The following CCDC85C variants were observed in gnomAD, a reference collection of about 807,000 sequenced individuals.
The protein encoded by CCDC85C is coiled-coil domain-containing protein 85C.
Under a neutral mutation model 38.3 loss-of-function variants are expected in CCDC85C, and 18 were observed. That is an observed-to-expected ratio of 0.47 (90% confidence interval 0.33 to 0.70). The LOEUF (loss-of-function observed/expected upper bound fraction) is 0.70, where lower values mean the gene tolerates loss of function less well. CCDC85C is among the 30% of genes least tolerant of loss of function. The pLI is 0.03. For synonymous variants in CCDC85C, 264 were observed against 293.8 expected, an observed-to-expected ratio of 0.90 and a Z score of 1.04; for missense variants, 566 against 621.2, an observed-to-expected ratio of 0.91 and a Z score of 0.94.
chr14:99,517,037 C>A, intron 4 of CCDC85C, 51 bp downstream of exon 4: 1 of 1,496,434 alleles, frequency 6.7e-7, no homozygotes, highest in Non-Finnish European at 9.1e-7. Context: ...CACAGTCTCA[C>A]AGTGCACCCA....
At position 99,510,225 on chromosome 14, in the gene CCDC85C, C is replaced by G; in HGVS notation, c.*5021G>C. On this transcript the variant is annotated 3_prime_UTR_variant, in exon 6 of 6. Coordinates refer to ENST00000380243, the MANE Select transcript of CCDC85C (RefSeq NM_001144995.2). ...GCCGGGCCCTGTGGATGCCACTGACCTCCCCAAAGTCCAGATTCCCCCTCC... is the reference window on the plus strand; with the variant it reads ...GCCGGGCCCTGTGGATGCCACTGACGTCCCCAAAGTCCAGATTCCCCCTCC... 6.3e-7 allele frequency: 1 copy of G among 1,596,836 alleles called. No individual in the cohort carries two copies. The highest frequency in any genetic ancestry group is 8.5e-7 in the Non-Finnish European group (1 of 1,174,964).
At chr14:99,584,709 A>C (rs930039256) in intron 1 of CCDC85C, among the ~76,000 whole-genome samples, 4 of 152,256 alleles carry the variant, frequency 2.6e-5, no homozygotes, top group African/African-American at 9.6e-5. Flanking sequence ...CTTTGCAGCC[A>C]GAATAAGTTT....
intron 3 of CCDC85C, among the ~76,000 whole-genome samples, chr14:99,519,279 CTTTT>C (rs60431041): frequency 8.1e-6 from 1 of 122,854 alleles, no homozygotes. Context: ...CCATGCCCAG[CTTTT>C]TTTTTTTTTT....
In CCDC85C at chr14:99,515,121, C is replaced by G; in HGVS notation, c.*125G>C. 1.4e-6 allele frequency: 1 copy of G among 699,596 alleles called. No individual in the cohort carries two copies. Among genetic ancestry groups the G allele is most frequent in the South Asian group, 1.8e-5 (1 of 54,654 alleles). The allele number at this position is 699,596 out of a possible 1,614,324, so 43.3% of individuals were successfully genotyped here. Reference sequence around the variant, plus strand: ...CAGCTGGGCCAGGGCGGGCAGCGTCCTATGTACAGTTCACCACAGAGGAAG... The same window carrying G: ...CAGCTGGGCCAGGGCGGGCAGCGTCGTATGTACAGTTCACCACAGAGGAAG... On this transcript the variant is annotated 3_prime_UTR_variant, in exon 6 of 6. Transcript: ENST00000380243.
chr14:99,566,508 G>A (rs1443494007), intron 1 of CCDC85C, among the ~76,000 whole-genome samples: 1 of 152,268 alleles, frequency 6.6e-6, no homozygotes, highest in South Asian at 2.1e-4. Flanking sequence ...GAGAGGTGGG[G>A]CTTCAGGTTC....
intron 2 of CCDC85C, among the ~76,000 whole-genome samples, chr14:99,526,171 GT>G (rs1471836054): frequency 1.3e-5 from 2 of 152,228 alleles, no homozygotes; most frequent in Non-Finnish European, 2.9e-5. Flanking sequence ...CTTCTGGCCT[GT>G]GGGGGCTCCA....
In CCDC85C at chr14:99,509,963, G is replaced by A; in HGVS notation, c.*5283C>T. The A allele has an allele frequency of 1.6e-6, 1 of 617,720 alleles. No homozygotes were observed. Among genetic ancestry groups the A allele is most frequent in the Non-Finnish European group, 2.8e-6 (1 of 353,796 alleles). 38.3% of individuals were successfully genotyped at this position (617,720 alleles called of 1,614,324 possible). On this transcript the variant is annotated 3_prime_UTR_variant, in exon 6 of 6. Transcript: ENST00000380243. ...CCCAGGTCGTCGCAGACAGGGTGGA[G>A]GGCCTTCTTGACAGATGGTGGGGAG...
rs1238368658 is a variant in CCDC85C at position 99,503,622 on chromosome 14, C to A, written c.*11624G>T. The A allele has an allele frequency of 1.9e-6, 3 of 1,560,344 alleles. No homozygotes were observed. The highest frequency in any genetic ancestry group is 4.7e-5 in the East Asian group (2 of 42,834). ...TTCTTTTGTAACAGGTTGTTTCTCC[C>A]AAAGAAGAGAACAAAGCAGCAGGTA... On this transcript the variant is annotated 3_prime_UTR_variant, in exon 6 of 6. Coordinates refer to ENST00000380243, the MANE Select transcript of CCDC85C (RefSeq NM_001144995.2).
At position 99,506,501 on chromosome 14, in the gene CCDC85C, C is replaced by T. The variant is rs1391951185; in HGVS notation, c.*8745G>A. ...ACCTCAAGGGGTCCTGACTGCTGGG[C>T]TTTTGTGAGCGGCACATTCTTCCTG... is the stretch of plus-strand genomic sequence containing the variant. On this transcript the variant is annotated 3_prime_UTR_variant, in exon 6 of 6. Coordinates refer to ENST00000380243, the MANE Select transcript of CCDC85C (RefSeq NM_001144995.2). 2 of 153,588 alleles carry T rather than the reference C, an allele frequency of 1.3e-5. No homozygotes were observed. The highest frequency in any genetic ancestry group is 2.9e-5 in the Non-Finnish European group (2 of 69,050). 9.5% of individuals were successfully genotyped at this position (153,588 alleles called of 1,614,324 possible).
Position 99,509,825 on chromosome 14 carries a change from GC to G in CCDC85C, c.*5420del. 2.6e-6 allele frequency: 1 copy of G among 381,598 alleles called. No homozygotes were observed. The highest frequency in any genetic ancestry group is 4.9e-5 in the South Asian group (1 of 20,560). The allele number at this position is 381,598 out of a possible 1,614,324, so 23.6% of individuals were successfully genotyped here. A position where few individuals can be genotyped will look rare whatever the true frequency, so the allele number is the denominator to read the frequency against. On this transcript the variant is annotated 3_prime_UTR_variant, in exon 6 of 6. Coordinates refer to ENST00000380243, the MANE Select transcript of CCDC85C (RefSeq NM_001144995.2). ...TTTCTGAAGGCAGAAAAACAGAGGA[GC>G]CCCCACACGTTTTGCACTAGGAAGA...
intron 1 of CCDC85C, among the ~76,000 whole-genome samples, chr14:99,555,755 T>C (rs745922351): frequency 6.6e-6 from 1 of 152,222 alleles, no homozygotes; most frequent in African/African-American, 2.4e-5. Flanking sequence ...GTCTGCCTGC[T>C]GGAGACCAAG....
Position 99,510,226 on chromosome 14 carries a change from T to C in CCDC85C, c.*5020A>G. 1 of 1,595,060 alleles carries C rather than the reference T, an allele frequency of 6.3e-7. No individual in the cohort carries two copies. On this transcript the variant is annotated 3_prime_UTR_variant, in exon 6 of 6. Transcript: ENST00000380243. ...CCGGGCCCTGTGGATGCCACTGACC[T>C]CCCCAAAGTCCAGATTCCCCCTCCG...
intron 1 of CCDC85C, among the ~76,000 whole-genome samples, chr14:99,562,806 C>G (rs998114106): frequency 1.3e-5 from 2 of 152,056 alleles, no homozygotes; most frequent in Non-Finnish European, 2.9e-5. Flanking sequence ...CACAAAGGCA[C>G]GCTCCCAGAA....
chr14:99,501,352 C>G lies in CCDC85C; in HGVS notation c.*13894G>C. ...TTAATTTACCTTTTTGTCCCCATTT[C>G]TAGGTGATAAAAACAAAATTCAAAA... On this transcript the variant is annotated 3_prime_UTR_variant, in exon 6 of 6. Coordinates refer to ENST00000380243, the MANE Select transcript of CCDC85C (RefSeq NM_001144995.2). 2 of 1,589,642 alleles carry G rather than the reference C, an allele frequency of 1.3e-6. No individual in the cohort carries two copies. Among genetic ancestry groups the G allele is most frequent in the Non-Finnish European group, 1.7e-6 (2 of 1,159,678 alleles).
At chr14:99,568,167 G>A (rs1463935870) in intron 1 of CCDC85C, among the ~76,000 whole-genome samples, 11 of 151,970 alleles carry the variant, frequency 7.2e-5, no homozygotes, top group South Asian at 4.2e-4. Context: ...CCCAGGCCCC[G>A]TATTGGGGAA....
rs1262455051 is a variant in CCDC85C, at chr14:99,501,077, A to C, written c.*14169T>G. The C allele has an allele frequency of 3.3e-6, 2 of 602,006 alleles. No individual in the cohort carries two copies. The highest frequency in any genetic ancestry group is 5.8e-6 in the Non-Finnish European group (2 of 343,112). The allele number at this position is 602,006 out of a possible 1,614,324, so 37.3% of individuals were successfully genotyped here. On this transcript the variant is annotated 3_prime_UTR_variant, in exon 6 of 6. Coordinates refer to ENST00000380243, the MANE Select transcript of CCDC85C (RefSeq NM_001144995.2). ...AACAGGCTCTGTCATCCAGTTGCCA[A>C]GTGATGGGAGAGGCAGGAAAATGAG...
At chr14:99,524,399 G>A (rs965879016) in intron 2 of CCDC85C, among the ~76,000 whole-genome samples, 2 of 151,892 alleles carry the variant, frequency 1.3e-5, no homozygotes, top group African/African-American at 4.8e-5. Context: ...TGCTGTTACC[G>A]AAAACGCAGG....
intron 3 of CCDC85C, among the ~76,000 whole-genome samples, chr14:99,519,920 G>C (rs558290136): frequency 5.9e-5 from 9 of 152,226 alleles, no homozygotes; most frequent in African/African-American, 2.2e-4. Flanking sequence ...GGACGGGAGT[G>C]ACGGCCGATG....
At chr14:99,549,625 T>C (rs1055098834) in intron 1 of CCDC85C, among the ~76,000 whole-genome samples, 2 of 152,038 alleles carry the variant, frequency 1.3e-5, no homozygotes, top group African/African-American at 4.8e-5. Context: ...CGCAACTGGG[T>C]CTCCTGCGAG....
Sources: gnomAD v4.1 joint callset for allele counts (sites outside exome capture counted in the v4.1 genomes callset) on GRCh38, gnomAD v4.1.1 for gene constraint, MANE v1.5 for transcripts, NCBI Gene and HGNC (gene_info 2026-07-23, HGNC 2026-07-21) for gene names.